RBMS3: variants seen among roughly 807,000 people sequenced by gnomAD.
The protein encoded by RBMS3 is RNA-binding motif, single-stranded-interacting protein 3.
In RBMS3, 27 loss-of-function variants were observed where a neutral mutation model predicts 66.8. That is an observed-to-expected ratio of 0.40 (90% CI 0.30 to 0.56). The LOEUF (loss-of-function observed/expected upper bound fraction) is 0.56. Among genes scored for constraint, RBMS3 ranks in the 20% least tolerant of loss-of-function variants. The pLI is 0.40. For missense variants in RBMS3, 513 were observed against 549.5 expected, an observed-to-expected ratio of 0.93 and a Z score of 0.66; for synonymous variants, 188 against 183.0, an observed-to-expected ratio of 1.03 and a Z score of -0.22.
chr3:29,813,092 G>C (rs1275293517), intron 6 of RBMS3, among the ~76,000 whole-genome samples: 2 of 151,828 alleles, frequency 1.3e-5, no homozygotes, highest in Non-Finnish European at 2.9e-5. Flanking sequence ...CCTTTTATTA[G>C]ACATAAATGA....
intron 10 of RBMS3, chr3:29,924,856 AAAAGAG>A (rs2060890494): frequency 6.5e-6 from 1 of 153,266 alleles, no homozygotes; most frequent in African/African-American, 2.4e-5. Context: ...GAAAAAAAAA[AAAAGAG>A]AGAGAGAGAG....
chr3:29,357,055 A>G lies in RBMS3; in HGVS notation c.75+75299A>G, dbSNP rs185064943. On this transcript the variant is annotated intron_variant, in intron 1 of 14. Coordinates refer to ENST00000383767, the MANE Select transcript of RBMS3 (RefSeq NM_001003793.3). The stretch of plus-strand genomic sequence containing the variant: ...AGTTTTATTTTATTTTTATATATAT[A>G]TTTTTTATTATCCTTTAAGTTCTAG... 3.5e-3 allele frequency among the ~76,000 whole-genome samples: 530 copies of G among 151,956 alleles called. 3 individuals are homozygous for G. The highest frequency in any genetic ancestry group is 0.01 in the Middle Eastern group (3 of 294).
At chr3:29,948,734 A>G (rs1460753163) in intron 12 of RBMS3, among the ~76,000 whole-genome samples, 1 of 151,738 alleles carries the variant, frequency 6.6e-6, no homozygotes, top group Non-Finnish European at 1.5e-5. Context: ...TGACTACAAA[A>G]CTATCTTTCT....
intron 1 of RBMS3, among the ~76,000 whole-genome samples, chr3:29,336,996 A>T (rs1295515212): frequency 6.6e-6 from 1 of 152,150 alleles, no homozygotes; most frequent in African/African-American, 2.4e-5. Context: ...ACGGTTTTTT[A>T]AAATGCTCTA....
intron 1 of RBMS3, among the ~76,000 whole-genome samples, chr3:29,346,189 C>G (rs1309516077): frequency 6.6e-6 from 1 of 152,098 alleles, no homozygotes; most frequent in Non-Finnish European, 1.5e-5. Context: ...CATATTGCTT[C>G]TCCAGAGAGA....
chr3:29,570,046 AAAC>A, intron 3 of RBMS3, among the ~76,000 whole-genome samples: 1 of 152,178 alleles, frequency 6.6e-6, no homozygotes, highest in East Asian at 1.9e-4. Context: ...AAAATAAGGA[AAAC>A]AATTTTATTA....
intron 1 of RBMS3, among the ~76,000 whole-genome samples, chr3:29,412,401 C>G (rs1213233738): frequency 6.6e-6 from 1 of 152,224 alleles, no homozygotes; most frequent in East Asian, 1.9e-4. Flanking sequence ...ATTATAGTTC[C>G]CTTTTTTGTT....
At chr3:29,487,795 A>T (rs1321630744) in intron 2 of RBMS3, among the ~76,000 whole-genome samples, 1 of 152,132 alleles carries the variant, frequency 6.6e-6, no homozygotes, top group African/African-American at 2.4e-5. Context: ...AAATGTATTT[A>T]TATTATTATA....
At chr3:29,676,264 G>A (rs540281340) in intron 4 of RBMS3, among the ~76,000 whole-genome samples, 20 of 152,170 alleles carry the variant, frequency 1.3e-4, no homozygotes, top group African/African-American at 3.6e-4. Flanking sequence ...ATCACATACC[G>A]GGGCCTGTCG....
At chr3:29,733,589 G>T (rs149998361) in intron 4 of RBMS3, among the ~76,000 whole-genome samples, 2,284 of 152,006 alleles carry the variant, frequency 0.015, 39 homozygotes, top group Middle Eastern at 0.041. Flanking sequence ...ATATCATTGT[G>T]GTTTTGATTT....
chr3:29,563,226 T>G (rs746724689), intron 3 of RBMS3, among the ~76,000 whole-genome samples: 1 of 152,214 alleles, frequency 6.6e-6, no homozygotes, highest in Non-Finnish European at 1.5e-5. Flanking sequence ...CAGAAAAGAA[T>G]GTTATTATTT....
chr3:29,669,178 T>A (rs575788692), intron 4 of RBMS3, among the ~76,000 whole-genome samples: 1 of 152,226 alleles, frequency 6.6e-6, no homozygotes, highest in Non-Finnish European at 1.5e-5. Flanking sequence ...CGAACCCTCA[T>A]GGGAGAGACC....
intron 4 of RBMS3, among the ~76,000 whole-genome samples, chr3:29,725,055 G>A (rs1024441408): frequency 5.3e-5 from 8 of 152,152 alleles, no homozygotes; most frequent in African/African-American, 1.9e-4. Flanking sequence ...TTAGTAATGT[G>A]CCCAAGTCAA....
intron 4 of RBMS3, among the ~76,000 whole-genome samples, chr3:29,638,942 T>G (rs2049577614): frequency 6.6e-6 from 1 of 151,910 alleles, no homozygotes; most frequent in Admixed American, 6.6e-5. Flanking sequence ...TATTAGAAAA[T>G]ATTTTGATTC....
intron 6 of RBMS3, among the ~76,000 whole-genome samples, chr3:29,823,891 A>G (rs1336231374): frequency 6.6e-6 from 1 of 152,132 alleles, no homozygotes; most frequent in East Asian, 1.9e-4. Flanking sequence ...TTTACCAGAA[A>G]GTTTTCTACC....
chr3:29,362,547 C>G (rs2037663390), intron 1 of RBMS3, among the ~76,000 whole-genome samples: 1 of 152,174 alleles, frequency 6.6e-6, no homozygotes. Flanking sequence ...ACACTCCGTG[C>G]TGGGAGAACT....
intron 4 of RBMS3, among the ~76,000 whole-genome samples, chr3:29,719,831 C>G (rs893650564): frequency 3.9e-5 from 6 of 152,138 alleles, no homozygotes; most frequent in African/African-American, 1.4e-4. Context: ...TAACTATCTT[C>G]ACTAATATAT....
chr3:29,787,997 C>T (rs1002898733), intron 6 of RBMS3, among the ~76,000 whole-genome samples: 1 of 152,066 alleles, frequency 6.6e-6, no homozygotes, highest in African/African-American at 2.4e-5. Context: ...TCAAGAACTT[C>T]ACAGTGAAAA....
intron 4 of RBMS3, among the ~76,000 whole-genome samples, chr3:29,687,477 G>A (rs1390323089): frequency 2.0e-5 from 3 of 152,168 alleles, no homozygotes; most frequent in Admixed American, 2.0e-4. Flanking sequence ...TCAACATGAA[G>A]ACATTAAGTT....
Sources: allele counts gnomAD v4.1 joint callset (sites outside exome capture counted in the v4.1 genomes callset), GRCh38; gene constraint gnomAD v4.1.1; transcripts MANE v1.5; gene names NCBI Gene and HGNC (gene_info 2026-07-23, HGNC 2026-07-21).